Variants in NPSR1 observed in about 807,000 individuals in gnomAD.
NPSR1 encodes neuropeptide S receptor 1, also known as neuropeptide S receptor.
Under a neutral mutation model 46.9 loss-of-function variants are expected in NPSR1, and 48 were observed. That is an observed-to-expected ratio of 1.02 (90% CI 0.81 to 1.30). The LOEUF is 1.30. Ranked by LOEUF, NPSR1 falls within the 50% of genes most tolerant of loss-of-function variation. The probability of loss-of-function intolerance (pLI) is 0.00; values close to 1 mark genes in which losing one functional copy is unlikely to be tolerated. For missense variants in NPSR1, 450 were observed against 449.5 expected (o/e 1.00, Z -0.01); for synonymous variants, 176 against 168.1 (o/e 1.05, Z -0.36).
chr7:34,785,587 C>T (rs1787431191), intron 3 of NPSR1, among the ~76,000 whole-genome samples: 1 of 151,862 alleles, frequency 6.6e-6, no homozygotes, highest in South Asian at 2.1e-4. Flanking sequence ...AAAGTAAGTA[C>T]ATTTACAATA....
At chr7:34,814,966 A>G (rs148147803) in intron 4 of NPSR1, among the ~76,000 whole-genome samples, 7,859 of 152,270 alleles carry the variant, frequency 0.052, 664 homozygotes, top group African/African-American at 0.18. Context: ...GGGAGAAACC[A>G]GAGCGGAAAA....
At chr7:34,832,132 C>T (rs567548167) in intron 5 of NPSR1, among the ~76,000 whole-genome samples, 2 of 152,328 alleles carry the variant, frequency 1.3e-5, no homozygotes, top group South Asian at 4.1e-4. Context: ...AGGGTCTCCA[C>T]TAATGCTGAA....
intron 4 of NPSR1, among the ~76,000 whole-genome samples, chr7:34,819,378 G>A (rs1456828358): frequency 6.6e-6 from 1 of 152,134 alleles, no homozygotes; most frequent in Non-Finnish European, 1.5e-5. Flanking sequence ...ACCATCTCAT[G>A]CCAGTTAGAA....
intron 3 of NPSR1, among the ~76,000 whole-genome samples, chr7:34,792,701 G>GTATATATATATATTTATATATATATA (rs1787973262): frequency 1.4e-5 from 1 of 72,214 alleles, no homozygotes; most frequent in Non-Finnish European, 3.1e-5. Flanking sequence ...ATATATATAC[G>GTATATATATATATTTATATATATATA]TATATATATA....
At chr7:34,761,820 T>C (rs868489085) in intron 2 of NPSR1, among the ~76,000 whole-genome samples, 9 of 152,242 alleles carry the variant, frequency 5.9e-5, no homozygotes, top group African/African-American at 2.2e-4. Context: ...GCAATGATCT[T>C]GTGCAATGAT....
intron 8 of NPSR1, among the ~76,000 whole-genome samples, chr7:34,873,680 T>TGAGGGAGCCACCTCCTAC (rs1397573305): frequency 6.6e-6 from 1 of 151,640 alleles, no homozygotes; most frequent in Non-Finnish European, 1.5e-5. Flanking sequence ...AAGCCATTCA[T>TGAGGGAGCCACCTCCTAC]GAGGGAGCCA....
At chr7:34,750,785 T>A in intron 2 of NPSR1, 1 of 692,952 alleles carries the variant, frequency 1.4e-6, no homozygotes, top group South Asian at 1.4e-5. Flanking sequence ...GGCCAGGTCC[T>A]GCTGCACCTG....
chr7:34,759,749 C>G (rs968792391), intron 2 of NPSR1, among the ~76,000 whole-genome samples: 5 of 152,170 alleles, frequency 3.3e-5, no homozygotes, highest in Non-Finnish European at 7.3e-5. Flanking sequence ...TAGTTCTTCA[C>G]AGGAAGCAGT....
At chr7:34,756,907 A>G (rs961431280) in intron 2 of NPSR1, among the ~76,000 whole-genome samples, 4 of 152,216 alleles carry the variant, frequency 2.6e-5, no homozygotes, top group Admixed American at 6.5e-5. Flanking sequence ...CATGCTTTAT[A>G]TGCTTTACTG....
chr7:34,699,414 A>T (rs1793706610), intron 2 of NPSR1, among the ~76,000 whole-genome samples: 1 of 152,212 alleles, frequency 6.6e-6, no homozygotes, highest in African/African-American at 2.4e-5. Flanking sequence ...TATACTTATG[A>T]TTTTATAGGT....
intron 1 of NPSR1, among the ~76,000 whole-genome samples, chr7:34,681,191 G>C (rs538662951): frequency 2.0e-5 from 3 of 152,220 alleles, no homozygotes; most frequent in Admixed American, 1.3e-4. Flanking sequence ...CCAACCTGAG[G>C]GAGAGCTGGG....
intron 3 of NPSR1, among the ~76,000 whole-genome samples, chr7:34,792,679 A>ATATATATATT (rs1562733213): frequency 4.5e-4 from 55 of 121,936 alleles, no homozygotes; most frequent in Non-Finnish European, 7.0e-4. Flanking sequence ...ATATATGTAT[A>ATATATATATT]TATATATATG....
intron 2 of NPSR1, chr7:34,719,030 G>GGCTTTA (rs1219571346): frequency 6.6e-6 from 1 of 152,372 alleles, no homozygotes; most frequent in Non-Finnish European, 1.5e-5. Flanking sequence ...TTAAAGCCCA[G>GGCTTTA]GCTTTTCTCT....
At chr7:34,765,359 TAAATA>T (rs1446606276) in intron 2 of NPSR1, among the ~76,000 whole-genome samples, 3 of 152,188 alleles carry the variant, frequency 2.0e-5, no homozygotes, top group Admixed American at 6.5e-5. Context: ...ACACGGACTT[TAAATA>T]AAATAATTAC....
intron 3 of NPSR1, among the ~76,000 whole-genome samples, chr7:34,785,198 G>A: frequency 6.6e-6 from 1 of 151,910 alleles, no homozygotes. Flanking sequence ...ATACTATGCA[G>A]CCATAAAAAA....
intron 2 of NPSR1, among the ~76,000 whole-genome samples, chr7:34,765,682 A>G (rs1006049911): frequency 3.3e-5 from 5 of 152,380 alleles, no homozygotes; most frequent in Admixed American, 6.5e-5. Context: ...CTGAATGCCA[A>G]TCAATGGATT....
intron 2 of NPSR1, among the ~76,000 whole-genome samples, chr7:34,724,855 A>G (rs1313561767): frequency 2.6e-5 from 4 of 152,296 alleles, no homozygotes; most frequent in African/African-American, 9.6e-5. Flanking sequence ...TATTACATGG[A>G]AAGTACAAAA....
rs182736546 is a variant in NPSR1 at position 34,739,253 on chromosome 7, C to T, written c.281-39209C>T. 3.9e-5 allele frequency among the ~76,000 whole-genome samples: 6 copies of T among 152,264 alleles called. No homozygotes were observed. The East Asian group carries it at 1.2e-3, about 29-fold the overall frequency. ...TGGTTTCTATTCTTTTAACTATATA[C>T]CTAGGAGTAAAATTGCTGGGTCATA... On this transcript the variant is annotated intron_variant, in intron 2 of 8. Transcript: ENST00000360581.
chr7:34,829,618 C>T (rs899582898), intron 5 of NPSR1, among the ~76,000 whole-genome samples: 24 of 152,178 alleles, frequency 1.6e-4, no homozygotes, highest in African/African-American at 5.3e-4. Context: ...TCAAAGTCCC[C>T]GCTCAGCAGA....
Sources: gnomAD v4.1 joint callset for allele counts (sites outside exome capture counted in the v4.1 genomes callset) on GRCh38, gnomAD v4.1.1 for gene constraint, MANE v1.5 for transcripts, NCBI Gene and HGNC (gene_info 2026-07-23, HGNC 2026-07-21) for gene names.